Variants in VPS13B observed in about 807,000 individuals in gnomAD.
VPS13B encodes the protein vacuolar protein sorting 13 homolog B, also known as intermembrane lipid transfer protein VPS13B.
Under a neutral mutation model 426.4 loss-of-function variants are expected in VPS13B, and 285 were observed. That is an observed-to-expected ratio of 0.67 (90% confidence interval 0.61 to 0.74). The LOEUF is 0.74. Ranked by LOEUF, VPS13B falls within the 30% of genes least tolerant of loss-of-function variation. The probability of loss-of-function intolerance (pLI) is 0.00; values close to 1 mark genes in which losing one functional copy is unlikely to be tolerated. For missense variants in VPS13B, 4,537 were observed against 4,782.6 expected (o/e 0.95, Z 1.51); for synonymous variants, 1,676 against 1,676.4 (o/e 1.00, Z 0.01).
At chr8:99,091,115 A>T (rs1297040333) in intron 3 of VPS13B, among the ~76,000 whole-genome samples, 1 of 152,196 alleles carries the variant, frequency 6.6e-6, no homozygotes, top group African/African-American at 2.4e-5. Context: ...TGGCTGGGGC[A>T]GTATCATGGG....
At chr8:99,139,434 C>CTTTTTTT (rs368548690) in intron 12 of VPS13B, among the ~76,000 whole-genome samples, 5 of 135,674 alleles carry the variant, frequency 3.7e-5, no homozygotes, top group Non-Finnish European at 4.7e-5. Context: ...TTGATATTTC[C>CTTTTTTT]TTTTTTTTTT....
At chr8:99,607,363 A>G (rs1271599926) in intron 33 of VPS13B, among the ~76,000 whole-genome samples, 2 of 152,216 alleles carry the variant, frequency 1.3e-5, no homozygotes, top group Non-Finnish European at 1.5e-5. Flanking sequence ...CATCTAAGAT[A>G]CCATGTGTAT....
chr8:99,230,501 G>T (rs1816263572), intron 17 of VPS13B, among the ~76,000 whole-genome samples: 2 of 152,172 alleles, frequency 1.3e-5, no homozygotes, highest in African/African-American at 4.8e-5. Context: ...TATTCATGTT[G>T]ATTCTTATTT....
intron 6 of VPS13B, among the ~76,000 whole-genome samples, chr8:99,115,166 T>G (rs2132495614): frequency 6.6e-6 from 1 of 152,266 alleles, no homozygotes; most frequent in East Asian, 1.9e-4. Flanking sequence ...TGACAAAAAT[T>G]TTTATTATTT....
At chr8:99,019,699 G>T (rs1327914727) in intron 2 of VPS13B, among the ~76,000 whole-genome samples, 3 of 152,090 alleles carry the variant, frequency 2.0e-5, no homozygotes, top group African/African-American at 7.2e-5. Flanking sequence ...GTATGAATTT[G>T]ACTATTTTAA....
At chr8:99,054,515 G>A (rs1713664439) in intron 3 of VPS13B, among the ~76,000 whole-genome samples, 1 of 152,148 alleles carries the variant, frequency 6.6e-6, no homozygotes, top group African/African-American at 2.4e-5. Flanking sequence ...AGGTTGTGTT[G>A]TCACATTCTT....
chr8:99,404,290 A>G (rs1030946402), intron 21 of VPS13B, among the ~76,000 whole-genome samples: 2 of 152,232 alleles, frequency 1.3e-5, no homozygotes, highest in Non-Finnish European at 2.9e-5. Flanking sequence ...ACTGGCAAGA[A>G]TTCAGCAAAA....
At chr8:99,171,596 A>G (rs1812336854) in intron 16 of VPS13B, among the ~76,000 whole-genome samples, 1 of 152,084 alleles carries the variant, frequency 6.6e-6, no homozygotes, top group Non-Finnish European at 1.5e-5. Flanking sequence ...TACTTAAAAT[A>G]TGCCTACAGA....
At chr8:99,763,135 C>CAAA (rs750289763) in intron 39 of VPS13B, among the ~76,000 whole-genome samples, 234 of 35,394 alleles carry the variant, frequency 6.6e-3, no homozygotes, top group Non-Finnish European at 8.3e-3. Context: ...GACCTTGTCT[C>CAAA]AAAAAAAAAA....
intron 30 of VPS13B, among the ~76,000 whole-genome samples, chr8:99,553,747 G>T (rs758587523): frequency 2.6e-5 from 4 of 151,826 alleles, no homozygotes; most frequent in Non-Finnish European, 5.9e-5. Context: ...TTTTAAGTTG[G>T]ATTTATATAC....
intron 23 of VPS13B, among the ~76,000 whole-genome samples, chr8:99,454,693 A>G (rs1818360395): frequency 6.6e-6 from 1 of 152,154 alleles, no homozygotes; most frequent in Non-Finnish European, 1.5e-5. Flanking sequence ...AAAAATGTTT[A>G]GTTCGGTAAT....
intron 19 of VPS13B, among the ~76,000 whole-genome samples, chr8:99,284,629 C>G (rs916162204): frequency 1.3e-5 from 2 of 151,996 alleles, no homozygotes; most frequent in Non-Finnish European, 2.9e-5. Flanking sequence ...GTGGTGCTTG[C>G]ATCCTCTACC....
chr8:99,622,078 G>T (rs1050936122), intron 33 of VPS13B, among the ~76,000 whole-genome samples: 1 of 151,914 alleles, frequency 6.6e-6, no homozygotes. Flanking sequence ...TTGTAAGATG[G>T]TAGGATATAT....
chr8:99,344,242 T>C (rs1391553345), intron 19 of VPS13B, among the ~76,000 whole-genome samples: 1 of 152,148 alleles, frequency 6.6e-6, no homozygotes, highest in East Asian at 1.9e-4. Flanking sequence ...TTGGAAAAAC[T>C]GGCTGTGCAC....
chr8:99,873,846 C>A (rs1817558926), intron 61 of VPS13B, among the ~76,000 whole-genome samples: 1 of 152,196 alleles, frequency 6.6e-6, no homozygotes, highest in African/African-American at 2.4e-5. Context: ...TGCATCCCAA[C>A]ATAATCCACA....
At chr8:99,099,846 G>T (rs559990998) in intron 4 of VPS13B, among the ~76,000 whole-genome samples, 70 of 152,148 alleles carry the variant, frequency 4.6e-4, no homozygotes, top group Non-Finnish European at 6.5e-4. Flanking sequence ...GTTATATGAG[G>T]TATGGGGAGA....
intron 40 of VPS13B, among the ~76,000 whole-genome samples, chr8:99,769,912 A>G (rs757164137): frequency 8.5e-5 from 13 of 152,158 alleles, no homozygotes; most frequent in Non-Finnish European, 1.8e-4. Flanking sequence ...TAATCCCTGC[A>G]CTTTGGGAGG....
intron 19 of VPS13B, among the ~76,000 whole-genome samples, chr8:99,290,774 A>T (rs1381740908): frequency 6.6e-6 from 1 of 152,130 alleles, no homozygotes; most frequent in South Asian, 2.1e-4. Context: ...GATTCCTGGA[A>T]TAAGTCATGT....
chr8:99,385,993 G>A (rs1814098634), intron 20 of VPS13B, among the ~76,000 whole-genome samples: 1 of 152,162 alleles, frequency 6.6e-6, no homozygotes, highest in Admixed American at 6.5e-5. Context: ...TCATTTTGAA[G>A]GGTAAAGAGG....
Sources: allele counts gnomAD v4.1 joint callset (sites outside exome capture counted in the v4.1 genomes callset), GRCh38; gene constraint gnomAD v4.1.1; transcripts MANE v1.5; gene names NCBI Gene and HGNC (gene_info 2026-07-23, HGNC 2026-07-21).